Variants in GTF2I observed in about 807,000 individuals in gnomAD.
GTF2I encodes general transcription factor IIi, also known as general transcription factor II-I.
GTF2I carries 12 observed loss-of-function variants against 67.6 expected under a neutral mutation model. The ratio of observed to expected loss-of-function variants is 0.18; its 90% confidence interval spans 0.11 to 0.29. The LOEUF is 0.29. Ranked by LOEUF, GTF2I falls within the 10% of genes least tolerant of loss-of-function variation. GTF2I has a pLI of 1.00. For missense variants in GTF2I, 271 were observed against 580.1 expected (o/e 0.47, Z 5.47); for synonymous variants, 149 against 197.0 (o/e 0.76, Z 2.04).
chr7:74,681,524 T>C lies in GTF2I; in HGVS notation c.-5-7600T>C, dbSNP rs139333706. Among the ~76,000 whole-genome samples the C allele has an allele frequency of 3.0e-3, 461 of 152,326 alleles. 1 individual carries two copies. The highest frequency in any genetic ancestry group is 4.9e-3 in the Non-Finnish European group (332 of 68,030). On this transcript the variant is annotated intron_variant, in intron 1 of 34. Transcript: ENST00000573035. ...TGTTATTTTTTGTGTGTCTGTTTAA[T>C]CACAGTATATCCCGTGTCATCTTGT... is the stretch of plus-strand genomic sequence containing the variant.
At chr7:74,725,775 G>A (rs1793690953) in intron 12 of GTF2I, among the ~76,000 whole-genome samples, 1 of 151,376 alleles carries the variant, frequency 6.6e-6, no homozygotes, top group Non-Finnish European at 1.5e-5. Flanking sequence ...TGATATCCCT[G>A]ATATTTTCAA....
chr7:74,699,798 G>A (rs1217038786), intron 4 of GTF2I: 1 of 159,982 alleles, frequency 6.3e-6, no homozygotes, highest in Non-Finnish European at 1.4e-5. Context: ...TGCCCAATAG[G>A]TTGACAGTAT....
Position 74,689,114 on chromosome 7 carries a change from T to C in GTF2I, c.-5-10T>C, listed in dbSNP as rs996720354. ...CTACCACTCACTTTCTTCTTACTTCTCCTGCACAGGGATCATGGCCCAAGT... is the reference window on the plus strand; with the variant it reads ...CTACCACTCACTTTCTTCTTACTTCCCCTGCACAGGGATCATGGCCCAAGT... On this transcript the variant is annotated splice_polypyrimidine_tract_variant and intron_variant, in intron 1 of 34. Transcript: ENST00000573035. 6.5e-7 allele frequency: 1 copy of C among 1,547,294 alleles called. No homozygotes were observed. Among genetic ancestry groups the C allele is most frequent in the Admixed American group, 1.7e-5 (1 of 59,792 alleles).
intron 1 of GTF2I, among the ~76,000 whole-genome samples, chr7:74,678,625 G>A (rs587732523): frequency 6.6e-6 from 1 of 152,044 alleles, no homozygotes; most frequent in Non-Finnish European, 1.5e-5. Context: ...TTTAGGTGGC[G>A]AGTCAAGGTT....
At chr7:74,700,749 G>A (rs1257475094) in intron 6 of GTF2I, 115 bp downstream of exon 6, 17 of 1,019,092 alleles carry the variant, frequency 1.7e-5, no homozygotes, top group Non-Finnish European at 2.3e-5. Context: ...AGACATTTTC[G>A]GATGGGCTGT....
intron 1 of GTF2I, among the ~76,000 whole-genome samples, chr7:74,665,554 A>G (rs1272091015): frequency 1.3e-5 from 2 of 152,206 alleles, no homozygotes; most frequent in East Asian, 1.9e-4. Context: ...CCTGGCCCCT[A>G]TTTTTAAAAA....
intron 1 of GTF2I, among the ~76,000 whole-genome samples, chr7:74,675,618 T>G (rs1360482766): frequency 6.6e-6 from 1 of 152,156 alleles, no homozygotes; most frequent in Non-Finnish European, 1.5e-5. Context: ...TCTAAGCCCT[T>G]GAAAACTTAA....
intron 3 of GTF2I, among the ~76,000 whole-genome samples, chr7:74,693,505 C>T (rs1554397588): frequency 3.3e-5 from 5 of 151,878 alleles, no homozygotes; most frequent in Non-Finnish European, 7.4e-5. Flanking sequence ...CGCCTGGTCC[C>T]CCATCATTCC....
chr7:74,724,130 A>G (rs1302204288), intron 12 of GTF2I, among the ~76,000 whole-genome samples: 1 of 152,028 alleles, frequency 6.6e-6, no homozygotes, highest in Non-Finnish European at 1.5e-5. Context: ...CTTTGTTTTA[A>G]ATTTTTTTTA....
intron 1 of GTF2I, among the ~76,000 whole-genome samples, chr7:74,686,694 C>G (rs1787752422): frequency 6.6e-6 from 1 of 151,996 alleles, no homozygotes; most frequent in African/African-American, 2.4e-5. Context: ...GAAAGAAAAC[C>G]AGACAAATTC....
At chr7:74,658,757 C>T (rs1163546258) in intron 1 of GTF2I, among the ~76,000 whole-genome samples, 3 of 151,792 alleles carry the variant, frequency 2.0e-5, no homozygotes, top group Admixed American at 1.3e-4. Flanking sequence ...CCCGCGGGGC[C>T]TGTTCTTTGG....
At chr7:74,737,202 A>T (rs1405120993) in intron 18 of GTF2I, among the ~76,000 whole-genome samples, 14 of 140,426 alleles carry the variant, frequency 1.0e-4, no homozygotes, top group Admixed American at 4.9e-4. Context: ...CAAAATAATT[A>T]AAAAAAAAAA....
At chr7:74,700,144 TA>T in intron 4 of GTF2I, 102 bp from the exon 5 acceptor site, 2 of 1,163,598 alleles carry the variant, frequency 1.7e-6, no homozygotes, top group Non-Finnish European at 2.4e-6. Flanking sequence ...TCATATATTA[TA>T]AAAAATCATG....
intron 8 of GTF2I, 43 bp downstream of exon 8, chr7:74,706,476 G>T (rs782441513): frequency 1.4e-6 from 2 of 1,417,528 alleles, no homozygotes; most frequent in Admixed American, 3.4e-5. Context: ...AATTAAGGAA[G>T]ACTTTTCCTT....
intron 1 of GTF2I, among the ~76,000 whole-genome samples, chr7:74,678,624 C>T (rs191620656): frequency 2.6e-5 from 4 of 152,072 alleles, no homozygotes; most frequent in Middle Eastern, 3.4e-3. Flanking sequence ...TTTTAGGTGG[C>T]GAGTCAAGGT....
chr7:74,664,059 C>T (rs1554387620), intron 1 of GTF2I, among the ~76,000 whole-genome samples: 2 of 152,142 alleles, frequency 1.3e-5, no homozygotes, highest in African/African-American at 4.8e-5. Context: ...AAACTCCTGA[C>T]CTCAGGTGAT....
chr7:74,668,722 G>A (rs1280697885), intron 1 of GTF2I, among the ~76,000 whole-genome samples: 2 of 151,410 alleles, frequency 1.3e-5, no homozygotes, highest in Admixed American at 6.6e-5. Flanking sequence ...TACAGGAGCC[G>A]GCCACCACGC....
At chr7:74,676,843 G>A (rs1171116788) in intron 1 of GTF2I, among the ~76,000 whole-genome samples, 5 of 152,070 alleles carry the variant, frequency 3.3e-5, no homozygotes, top group Non-Finnish European at 5.9e-5. Flanking sequence ...ATCACTTGAG[G>A]TCAGGAGTTC....
chr7:74,695,139 GT>G (rs1403460624), intron 3 of GTF2I, among the ~76,000 whole-genome samples: 2 of 151,954 alleles, frequency 1.3e-5, no homozygotes. Flanking sequence ...TTTTTATTTA[GT>G]TTTTTTTGAG....
Sources: gnomAD v4.1 joint callset for allele counts (sites outside exome capture counted in the v4.1 genomes callset) on GRCh38, gnomAD v4.1.1 for gene constraint, MANE v1.5 for transcripts, NCBI Gene and HGNC (gene_info 2026-07-23, HGNC 2026-07-21) for gene names.